LRRIQ1: variants seen among roughly 807,000 people sequenced by gnomAD.
LRRIQ1 encodes leucine-rich repeat- and IQ domain-containing protein 1.
Under a neutral mutation model 211.9 loss-of-function variants are expected in LRRIQ1, and 210 were observed. The observed-to-expected ratio is 0.99, with a 90% CI of 0.89 to 1.11. The LOEUF is 1.11. LRRIQ1 is among the 50% of genes most tolerant of loss of function. LRRIQ1 has a pLI of 0.00. For synonymous variants in LRRIQ1, 699 were observed against 650.1 expected (o/e 1.08, Z -1.14); for missense variants, 2,136 against 1,939.5 (o/e 1.10, Z -1.90).
Position 85,153,090 on chromosome 12 carries a change from T to C in LRRIQ1, c.4486T>C (p.Leu1496=), listed in dbSNP as rs1462527281. 2 of 1,588,396 alleles carry C rather than the reference T, an allele frequency of 1.3e-6. No individual in the cohort carries two copies. The highest frequency in any genetic ancestry group is 1.4e-5 in the African/African-American group (1 of 73,762). ...ACCAAGTAATCCAGCTCAAGCATGG[T>C]TATGTAATGACAAAGAAAATTTGTC... The part of the protein sequence containing the change: ...NLPSNPAQAW[L]CNDKENLSSS... The change falls in exon 21 of 27, where the codon TTA becomes CTA. Residue 1496 remains leucine (L), a synonymous_variant. Coordinates refer to ENST00000393217, the MANE Select transcript of LRRIQ1 (RefSeq NM_001079910.2).
chr12:85,192,726 T>C (rs1392228497), intron 24 of LRRIQ1, among the ~76,000 whole-genome samples: 2 of 102,484 alleles, frequency 2.0e-5, no homozygotes, highest in Admixed American at 3.0e-4. Flanking sequence ...TAAATATATA[T>C]AGTTATATAC....
chr12:85,100,876 TTATC>T (rs1886298378), intron 13 of LRRIQ1, among the ~76,000 whole-genome samples: 1 of 151,888 alleles, frequency 6.6e-6, no homozygotes, highest in South Asian at 2.1e-4. Flanking sequence ...ACTGTAGAAA[TTATC>T]TATTTTAATT....
intron 23 of LRRIQ1, chr12:85,159,587 G>A (rs1890751439): frequency 2.0e-5 from 3 of 151,924 alleles, no homozygotes; most frequent in Non-Finnish European, 4.4e-5. Flanking sequence ...TTTGGCACTA[G>A]GATCTAACCC....
Position 85,055,880 on chromosome 12 carries a change from G to A in LRRIQ1, c.1087G>A (p.Glu363Lys), listed in dbSNP as rs144731974. 827 of 1,588,486 alleles carry A rather than the reference G, an allele frequency of 5.2e-4. 6 individuals carry two copies. In the African/African-American group the frequency reaches 8.2e-3, roughly 16 times the overall value. ...KEEERKRREK[E>K]YEEKKNIVKQ... is the part of the protein sequence containing the mutation. Reference sequence around the variant, plus strand: ...AGAGGAAAGGAAAAGGAGAGAAAAAGAATATGAAGAAAAAAAGAATATTGT... The same window carrying A: ...AGAGGAAAGGAAAAGGAGAGAAAAAAAATATGAAGAAAAAAAGAATATTGT... The change falls in exon 8 of 27, where the codon GAA (glutamate) becomes AAA (lysine). Residue 363 changes from glutamate to lysine, a missense_variant. By Grantham distance (56) the Glu-to-Lys change is moderately conservative. Transcript: ENST00000393217.
chr12:85,241,723 A>T (rs192302092), intron 26 of LRRIQ1, among the ~76,000 whole-genome samples: 45 of 152,142 alleles, frequency 3.0e-4, no homozygotes, highest in Admixed American at 2.7e-3. Context: ...TTCTCCCTTT[A>T]TAAAGAAATA....
intron 1 of LRRIQ1, among the ~76,000 whole-genome samples, chr12:85,262,392 T>G (rs1896325253): frequency 6.6e-6 from 1 of 152,054 alleles, no homozygotes; most frequent in Non-Finnish European, 1.5e-5. Flanking sequence ...GTCACAAAGC[T>G]CTATTTTAGG....
At chr12:85,190,308 C>T (rs1565892545) in intron 24 of LRRIQ1, among the ~76,000 whole-genome samples, 1 of 136,150 alleles carries the variant, frequency 7.3e-6, no homozygotes, top group African/African-American at 2.7e-5. Flanking sequence ...ATGTTATTAA[C>T]TGTAACTATA....
At chr12:85,241,110 T>C (rs148858349) in intron 26 of LRRIQ1, among the ~76,000 whole-genome samples, 5 of 152,076 alleles carry the variant, frequency 3.3e-5, no homozygotes, top group Admixed American at 6.6e-5. Context: ...ACAGTGTCAG[T>C]TTTCTGGTTT....
In LRRIQ1 at chr12:85,052,229, AAG is replaced by A. The variant is rs1212517095; in HGVS notation, c.735_736del (p.Lys246IlefsTer2). 3 of 1,558,326 alleles carry A rather than the reference AAG, an allele frequency of 1.9e-6. No homozygotes were observed. The highest frequency in any genetic ancestry group is 2.6e-6 in the Non-Finnish European group (3 of 1,142,150). On this transcript the variant is annotated frameshift_variant, in exon 7 of 27. Coordinates refer to ENST00000393217, the MANE Select transcript of LRRIQ1 (RefSeq NM_001079910.2). LOFTEE classifies it high-confidence loss of function. ...CTCTATAAAGAAGAGAAAATTTGGAAAGAGAAATTTAAACAGCATGAGGTATC... is the reference window on the plus strand; with the variant it reads ...CTCTATAAAGAAGAGAAAATTTGGAAAGAAATTTAAACAGCATGAGGTATC...
At chr12:85,101,453 T>A (rs974212336) in intron 13 of LRRIQ1, among the ~76,000 whole-genome samples, 10 of 151,824 alleles carry the variant, frequency 6.6e-5, no homozygotes, top group African/African-American at 2.4e-4. Flanking sequence ...ACCCATTGGC[T>A]GTTCATTGTA....
At chr12:85,047,220 T>C (rs2135926015) in intron 5 of LRRIQ1, 27 bp from the exon 6 acceptor site, 1 of 1,501,176 alleles carries the variant, frequency 6.7e-7, no homozygotes, top group East Asian at 2.3e-5. Context: ...TTACAAATGA[T>C]GATGTTATTT....
intron 23 of LRRIQ1, among the ~76,000 whole-genome samples, chr12:85,156,034 T>G (rs1890526463): frequency 1.3e-5 from 2 of 151,794 alleles, no homozygotes; most frequent in South Asian, 2.1e-4. Context: ...GACATCCAGC[T>G]TAATGACCAC....
intron 5 of LRRIQ1, among the ~76,000 whole-genome samples, chr12:85,046,697 C>T (rs972288926): frequency 4.6e-5 from 7 of 152,104 alleles, no homozygotes; most frequent in African/African-American, 1.7e-4. Flanking sequence ...AAAGACACAT[C>T]CACACATATG....
At chr12:85,045,996 A>G (rs2305102) in intron 4 of LRRIQ1, 24 bp from the exon 5 acceptor site, 344,655 of 1,314,536 alleles carry the variant, frequency 0.26, 47,532 homozygotes, top group Admixed American at 0.34. Context: ...TTCTTTAATC[A>G]TTGGTACTCA....
At position 85,257,918 on chromosome 12, in the gene LRRIQ1, A is replaced by T. The variant is rs117879574; in HGVS notation, c.122-4997A>T. On this transcript the variant is annotated intron_variant, in intron 1 of 1. Transcript: ENST00000602731. ...AGCCACATGGCATCTTTAAGAAAAA[A>T]TCAACACACTGGTATGTTAAAAATA... is the stretch of plus-strand genomic sequence containing the variant. Among the ~76,000 whole-genome samples, 223 of 151,970 alleles carry T rather than the reference A, an allele frequency of 1.5e-3. 6 individuals are homozygous for T. In the East Asian group the frequency reaches 0.037, roughly 25 times the overall value.
Position 85,244,839 on chromosome 12 carries a change from C to T in LRRIQ1, c.5067C>T (p.Thr1689=), listed in dbSNP as rs2137276564. The change falls in exon 27 of 27, where the codon ACC becomes ACT. Residue 1689 remains threonine (T), a synonymous_variant. Transcript: ENST00000393217. ...EDTDLDLFSM[T]NGSALSVNRE... The stretch of plus-strand genomic sequence containing the variant: ...CGGATTTAGACCTTTTTTCCATGAC[C>T]AATGGAAGTGCTTTGTCTGTGAACA... 2.5e-6 allele frequency: 4 copies of T among 1,610,018 alleles called. No individual in the cohort carries two copies. The highest frequency in any genetic ancestry group is 2.2e-5 in the East Asian group (1 of 44,740).
chr12:85,119,045 AG>A (rs1355594970), intron 15 of LRRIQ1, among the ~76,000 whole-genome samples: 1 of 152,128 alleles, frequency 6.6e-6, no homozygotes, highest in Non-Finnish European at 1.5e-5. Flanking sequence ...AGTTTACATT[AG>A]GGTTCACTCT....
At chr12:85,247,602 A>G (rs1895767874), downstream of LRRIQ1, among the ~76,000 whole-genome samples, 2 of 151,598 alleles carry the variant, frequency 1.3e-5, no homozygotes, top group African/African-American at 2.4e-5. Context: ...AGTAATGTTT[A>G]TATCATAGTT....
intron 24 of LRRIQ1, among the ~76,000 whole-genome samples, chr12:85,165,496 A>C (rs537574091): frequency 7.4e-6 from 1 of 135,596 alleles, no homozygotes; most frequent in East Asian, 2.1e-4. Flanking sequence ...TTTTTGAGAC[A>C]GAGTCTTGCT....
Sources: allele counts gnomAD v4.1 joint callset (sites outside exome capture counted in the v4.1 genomes callset), GRCh38; gene constraint gnomAD v4.1.1; transcripts MANE v1.5; gene names NCBI Gene and HGNC (gene_info 2026-07-23, HGNC 2026-07-21).